PTPRM: variants seen among roughly 807,000 people sequenced by gnomAD.
The protein encoded by PTPRM is receptor-type tyrosine-protein phosphatase mu.
Under a neutral mutation model 186.7 loss-of-function variants are expected in PTPRM, and 47 were observed. That is an observed-to-expected ratio of 0.25 (90% CI 0.20 to 0.32). The LOEUF is 0.32. Among genes scored for constraint, PTPRM ranks in the 10% least tolerant of loss-of-function variants. The pLI, the probability that PTPRM is intolerant of heterozygous loss-of-function variation, is 1.00. For missense variants in PTPRM, 1,494 were observed against 1,865.0 expected (o/e 0.80, Z 3.66); for synonymous variants, 668 against 674.9 (o/e 0.99, Z 0.16).
At chr18:7,795,342 ACT>A (rs1442334517) in intron 2 of PTPRM, among the ~76,000 whole-genome samples, 8 of 151,588 alleles carry the variant, frequency 5.3e-5, no homozygotes, top group Admixed American at 5.3e-4. Context: ...GTTTTTTAAA[ACT>A]CTGAGGAGAT....
chr18:8,211,933 G>C (rs921171343), intron 14 of PTPRM, among the ~76,000 whole-genome samples: 2 of 152,154 alleles, frequency 1.3e-5, no homozygotes, highest in African/African-American at 4.8e-5. Context: ...GCCAGCCAGA[G>C]GGGAGTGGAC....
intron 14 of PTPRM, among the ~76,000 whole-genome samples, chr18:8,219,391 C>A (rs547446592): frequency 6.6e-6 from 1 of 151,962 alleles, no homozygotes; most frequent in East Asian, 1.9e-4. Context: ...GGCGTGAACC[C>A]AGGAGGCAGA....
At chr18:8,078,507 T>A (rs963946243) in intron 9 of PTPRM, among the ~76,000 whole-genome samples, 1 of 152,178 alleles carries the variant, frequency 6.6e-6, no homozygotes, top group Admixed American at 6.5e-5. Flanking sequence ...TAAATTGCCA[T>A]GGTTGGAAAA....
chr18:7,735,662 G>C (rs957040681), intron 1 of PTPRM, among the ~76,000 whole-genome samples: 1 of 151,896 alleles, frequency 6.6e-6, no homozygotes, highest in Non-Finnish European at 1.5e-5. Context: ...AACATAACTA[G>C]ATCTTTCCCC....
At chr18:7,786,005 A>G (rs2043082099) in intron 2 of PTPRM, among the ~76,000 whole-genome samples, 1 of 152,218 alleles carries the variant, frequency 6.6e-6, no homozygotes, top group South Asian at 2.1e-4. Context: ...TTTGTATCCT[A>G]TCCATAATAT....
At chr18:7,702,166 T>C (rs1291147712) in intron 1 of PTPRM, among the ~76,000 whole-genome samples, 1 of 152,202 alleles carries the variant, frequency 6.6e-6, no homozygotes, top group Non-Finnish European at 1.5e-5. Context: ...TGCATGTGTC[T>C]TTATAGTAGA....
intron 14 of PTPRM, among the ~76,000 whole-genome samples, chr18:8,200,623 C>T (rs916159895): frequency 2.0e-5 from 3 of 152,334 alleles, no homozygotes; most frequent in Admixed American, 6.5e-5. Flanking sequence ...CTAGTTCCAG[C>T]GGCGACAACA....
In PTPRM at chr18:8,370,896, T is replaced by A. The variant is rs2095659271; in HGVS notation, c.3061T>A (p.Cys1021Ser). The part of the protein sequence containing the change: ...TNLVEVGRVK[C>S]CKYWPDDTEI... ...TCTTTTATGTTTTCTAAAGGTCAAA[T>A]GCTGCAAATACTGGCCAGATGACAC... The change falls in exon 24 of 33, where the codon TGC (cysteine) becomes AGC (serine). Residue 1021 changes from cysteine to serine, a missense_variant. Cys to Ser is a moderately radical substitution (Grantham distance 112). Coordinates refer to ENST00000580170, the MANE Select transcript of PTPRM (RefSeq NM_001105244.2). 1 of 1,583,474 alleles carries A rather than the reference T, an allele frequency of 6.3e-7. No individual in the cohort carries two copies. Among genetic ancestry groups the A allele is most frequent in the Non-Finnish European group, 8.6e-7 (1 of 1,162,778 alleles).
At chr18:7,800,130 C>G (rs2043877524) in intron 2 of PTPRM, among the ~76,000 whole-genome samples, 1 of 152,132 alleles carries the variant, frequency 6.6e-6, no homozygotes, top group African/African-American at 2.4e-5. Flanking sequence ...GTACCTATTA[C>G]TAGTATGAAC....
chr18:8,277,973 C>T (rs1014979259), intron 19 of PTPRM, among the ~76,000 whole-genome samples: 3 of 152,174 alleles, frequency 2.0e-5, no homozygotes, highest in Non-Finnish European at 2.9e-5. Flanking sequence ...TATGGAAAAA[C>T]ATAAGCATAT....
chr18:8,267,702 C>G (rs558643445), intron 19 of PTPRM, among the ~76,000 whole-genome samples: 3 of 152,142 alleles, frequency 2.0e-5, no homozygotes, highest in Non-Finnish European at 2.9e-5. Context: ...ATTACATACT[C>G]CTGTTTTGAC....
At chr18:7,886,370 C>T (rs1311426978) in intron 2 of PTPRM, among the ~76,000 whole-genome samples, 9 of 152,088 alleles carry the variant, frequency 5.9e-5, no homozygotes, top group Admixed American at 5.9e-4. Context: ...TTTCTCTGCC[C>T]CTCTTTCTTA....
At chr18:7,794,717 A>G (rs2043525581) in intron 2 of PTPRM, among the ~76,000 whole-genome samples, 1 of 152,234 alleles carries the variant, frequency 6.6e-6, no homozygotes, top group African/African-American at 2.4e-5. Context: ...TAGCGTAACT[A>G]TATTACATTA....
intron 29 of PTPRM, among the ~76,000 whole-genome samples, chr18:8,380,880 G>C (rs564734472): frequency 2.0e-4 from 30 of 152,230 alleles, no homozygotes; most frequent in African/African-American, 7.0e-4. Context: ...ACAGCTCACC[G>C]GGAGCCTACA....
chr18:8,223,307 T>G (rs901969827), intron 14 of PTPRM, among the ~76,000 whole-genome samples: 2 of 152,206 alleles, frequency 1.3e-5, no homozygotes, highest in African/African-American at 4.8e-5. Context: ...GTAGTAATTC[T>G]AAGAGTCAAG....
At chr18:7,809,356 G>A (rs2044390804) in intron 2 of PTPRM, among the ~76,000 whole-genome samples, 2 of 152,058 alleles carry the variant, frequency 1.3e-5, no homozygotes, top group South Asian at 4.1e-4. Context: ...AGATTTAAAG[G>A]GTCACCAGGC....
At chr18:7,949,551 C>G (rs1405812366) in intron 6 of PTPRM, among the ~76,000 whole-genome samples, 196 bp downstream of exon 6, 1 of 152,128 alleles carries the variant, frequency 6.6e-6, no homozygotes. Flanking sequence ...TGTGTTTTAT[C>G]TATGTTGATT....
At position 7,990,011 on chromosome 18, in the gene PTPRM, C is replaced by A. The variant is rs2083179745; in HGVS notation, c.1132+34597C>A. Among the ~76,000 whole-genome samples the A allele has an allele frequency of 2.0e-5, 3 of 152,166 alleles. No homozygotes were observed. In the South Asian group the frequency reaches 6.2e-4, roughly 32 times the overall value. ...CTCCGCCTCCCGGGTTCAAGTGAGT[C>A]TCATGCCTCAGCCTTCCAAGTAGCT... On this transcript the variant is annotated intron_variant, in intron 7 of 32. Coordinates refer to ENST00000580170, the MANE Select transcript of PTPRM (RefSeq NM_001105244.2).
At chr18:7,790,923 CA>C (rs2043311290) in intron 2 of PTPRM, among the ~76,000 whole-genome samples, 1 of 151,644 alleles carries the variant, frequency 6.6e-6, no homozygotes, top group South Asian at 2.1e-4. Context: ...AAAAAAAACA[CA>C]TATGCAAAAT....
Sources: allele counts gnomAD v4.1 joint callset (sites outside exome capture counted in the v4.1 genomes callset), GRCh38; gene constraint gnomAD v4.1.1; transcripts MANE v1.5; gene names NCBI Gene and HGNC (gene_info 2026-07-23, HGNC 2026-07-21).